The following CADM2 variants were observed in gnomAD, a reference collection of about 807,000 sequenced individuals.
CADM2 encodes cell adhesion molecule 2.
Under a neutral mutation model 49.8 loss-of-function variants are expected in CADM2, and 12 were observed. The ratio of observed to expected loss-of-function variants is 0.24; its 90% CI spans 0.15 to 0.39. CADM2 has a LOEUF of 0.39. CADM2 is among the 10% of genes least tolerant of loss of function. The probability of loss-of-function intolerance (pLI) is 1.00; values close to 1 mark genes in which losing one functional copy is unlikely to be tolerated. For synonymous variants in CADM2, 214 were observed against 175.4 expected (o/e 1.22, Z -1.74); for missense variants, 378 against 492.3 (o/e 0.77, Z 2.20).
intron 8 of CADM2, among the ~76,000 whole-genome samples, chr3:86,065,146 A>T (rs1044902159): frequency 6.6e-6 from 1 of 152,170 alleles, no homozygotes; most frequent in African/African-American, 2.4e-5. Context: ...CAATGGGTGA[A>T]TTAGTCAATT....
chr3:85,435,363 C>G (rs1018694248), intron 1 of CADM2, among the ~76,000 whole-genome samples: 1 of 152,082 alleles, frequency 6.6e-6, no homozygotes, highest in Non-Finnish European at 1.5e-5. Context: ...TTTTTTATGG[C>G]TGCATAGTAT....
intron 1 of CADM2, among the ~76,000 whole-genome samples, chr3:85,114,716 C>A (rs145204210): frequency 6.6e-6 from 1 of 152,100 alleles, no homozygotes; most frequent in Non-Finnish European, 1.5e-5. Flanking sequence ...AACTGTGTGA[C>A]CTTGGGCAAA....
intron 1 of CADM2, among the ~76,000 whole-genome samples, chr3:85,308,243 C>A (rs1361978567): frequency 6.6e-6 from 1 of 150,542 alleles, no homozygotes; most frequent in Non-Finnish European, 1.5e-5. Context: ...CATAATTTTC[C>A]AAGTATATTT....
chr3:85,700,054 T>C (rs2107705201), intron 1 of CADM2, among the ~76,000 whole-genome samples: 1 of 152,314 alleles, frequency 6.6e-6, no homozygotes, highest in East Asian at 1.9e-4. Flanking sequence ...ACAGTGGCAC[T>C]ATTCACAAAA....
chr3:85,164,551 A>T (rs533987841), intron 1 of CADM2, among the ~76,000 whole-genome samples: 5 of 152,178 alleles, frequency 3.3e-5, no homozygotes, highest in South Asian at 2.1e-4. Flanking sequence ...GAATTTCAGT[A>T]TTTAAAGGCA....
rs941810726 is a variant in CADM2, at chr3:84,959,005, C to CGCCGCT, written c.-591_-586dup. On this transcript the variant is annotated 5_prime_UTR_variant, in exon 1 of 10. Transcript: ENST00000383699. ...TGGTGCTTCGTAGAGCTGCCGCCGT[C>CGCCGCT]GCCGCTGCCGCTGCCGCCACAGCCG... The CGCCGCT allele has an allele frequency of 6.5e-5, 13 of 201,388 alleles. No individual in the cohort carries two copies. Among genetic ancestry groups the CGCCGCT allele is most frequent in the East Asian group, 3.5e-4 (2 of 5,716 alleles). 12.5% of individuals were successfully genotyped at this position (201,388 alleles called of 1,614,324 possible).
chr3:85,047,053 A>G lies in CADM2; in HGVS notation c.61+87385A>G, dbSNP rs538161027. 9.4e-4 allele frequency among the ~76,000 whole-genome samples: 143 copies of G among 152,296 alleles called. 1 individual carries two copies. In the South Asian group the frequency reaches 0.01, roughly 11 times the overall value. On this transcript the variant is annotated intron_variant, in intron 1 of 9. Transcript: ENST00000383699. Reference sequence around the variant, plus strand: ...GGAACCCATTAAATCAAGGTATGTAATAAGCAATATGATAAGTGACTTTGA... The same window carrying G: ...GGAACCCATTAAATCAAGGTATGTAGTAAGCAATATGATAAGTGACTTTGA...
chr3:85,155,740 C>G (rs991309259), intron 1 of CADM2, among the ~76,000 whole-genome samples: 4 of 152,158 alleles, frequency 2.6e-5, no homozygotes, highest in African/African-American at 9.7e-5. Context: ...AACAAACTAT[C>G]TCTCAGACCA....
At chr3:85,456,071 G>T (rs957206026) in intron 1 of CADM2, among the ~76,000 whole-genome samples, 2 of 152,140 alleles carry the variant, frequency 1.3e-5, no homozygotes, top group East Asian at 1.9e-4. Flanking sequence ...AGAGGTCAGA[G>T]GTTACCTTTA....
At chr3:85,618,181 A>G (rs187803867) in intron 1 of CADM2, among the ~76,000 whole-genome samples, 1 of 152,322 alleles carries the variant, frequency 6.6e-6, no homozygotes, top group Non-Finnish European at 1.5e-5. Context: ...AGCTAAATTA[A>G]TAGACAATTT....
At chr3:85,122,832 C>T (rs2038911630) in intron 1 of CADM2, among the ~76,000 whole-genome samples, 2 of 151,966 alleles carry the variant, frequency 1.3e-5, no homozygotes, top group Non-Finnish European at 2.9e-5. Flanking sequence ...CATTGTATGG[C>T]TCTTCTTCCA....
chr3:85,966,734 A>C (rs1167347356), intron 8 of CADM2, among the ~76,000 whole-genome samples: 1 of 151,662 alleles, frequency 6.6e-6, no homozygotes, highest in Non-Finnish European at 1.5e-5. Flanking sequence ...GATTTCTGAT[A>C]ATCTTAGTCT....
intron 1 of CADM2, among the ~76,000 whole-genome samples, chr3:84,962,601 C>A (rs375264806): frequency 6.6e-6 from 1 of 152,008 alleles, no homozygotes; most frequent in Non-Finnish European, 1.5e-5. Flanking sequence ...AAAAGGGTGG[C>A]GGGGGAACTA....
intron 1 of CADM2, among the ~76,000 whole-genome samples, chr3:85,402,851 T>A (rs368947884): frequency 4.6e-5 from 7 of 152,128 alleles, no homozygotes; most frequent in Non-Finnish European, 1.0e-4. Context: ...GGGGAAAAAA[T>A]TGTGTTTCTC....
intron 1 of CADM2, among the ~76,000 whole-genome samples, chr3:85,644,447 A>G (rs141289765): frequency 6.6e-6 from 1 of 152,234 alleles, no homozygotes; most frequent in East Asian, 1.9e-4. Context: ...TTCAGTCCAT[A>G]GCAACTAATA....
At chr3:85,119,390 G>A (rs142758404) in intron 1 of CADM2, among the ~76,000 whole-genome samples, 40 of 152,268 alleles carry the variant, frequency 2.6e-4, no homozygotes, top group African/African-American at 9.6e-4. Flanking sequence ...TGCTGTTTTG[G>A]TTACTGTAGG....
chr3:85,802,187 G>A lies in CADM2; in HGVS notation c.229G>A (p.Asp77Asn), dbSNP rs749926957. Residue 77 changes from aspartate to asparagine, a missense_variant, in exon 3 of 10, where the codon GAC (aspartate) becomes AAC (asparagine). Physicochemically the swap from Asp to Asn is conservative, Grantham distance 23. Transcript: ENST00000383699. Reference protein sequence around the residue: ...NPAQQTLYFDDKKALRDNRIE... With the variant: ...NPAQQTLYFDNKKALRDNRIE... ...AGCTCAACAGACTCTGTACTTTGAC[G>A]ACAAGAAAGGTGAATACATTTTCTT... is the stretch of plus-strand genomic sequence containing the variant. The A allele has an allele frequency of 8.1e-6, 13 of 1,607,738 alleles. No homozygotes were observed. Among genetic ancestry groups the A allele is most frequent in the Non-Finnish European group, 1.0e-5 (12 of 1,177,160 alleles).
At chr3:86,035,206 C>A (rs1578015136) in intron 8 of CADM2, among the ~76,000 whole-genome samples, 1 of 152,038 alleles carries the variant, frequency 6.6e-6, no homozygotes, top group East Asian at 1.9e-4. Context: ...CTGAACTCTT[C>A]CCCATAGGTC....
intron 1 of CADM2, among the ~76,000 whole-genome samples, chr3:85,008,874 A>T (rs2033862100): frequency 1.3e-5 from 2 of 152,194 alleles, no homozygotes; most frequent in African/African-American, 4.8e-5. Flanking sequence ...AATGAAGGTG[A>T]GCCTAAATGA....
Sources: gnomAD v4.1 joint callset for allele counts (sites outside exome capture counted in the v4.1 genomes callset) on GRCh38, gnomAD v4.1.1 for gene constraint, MANE v1.5 for transcripts, NCBI Gene and HGNC (gene_info 2026-07-23, HGNC 2026-07-21) for gene names.